SCEL: variants seen among roughly 807,000 people sequenced by gnomAD.
SCEL encodes the protein sciellin.
In SCEL, 113 loss-of-function variants were observed where a neutral mutation model predicts 117.6. The ratio of observed to expected loss-of-function variants is 0.96; its 90% CI spans 0.83 to 1.12. The LOEUF (loss-of-function observed/expected upper bound fraction) is 1.12, where lower values mean the gene tolerates loss of function less well. Among genes scored for constraint, SCEL ranks in the 50% most tolerant of loss-of-function variants. SCEL has a pLI of 0.00. For synonymous variants in SCEL, 270 were observed against 256.2 expected, an observed-to-expected ratio of 1.05 and a Z score of -0.51; for missense variants, 785 against 810.8, an observed-to-expected ratio of 0.97 and a Z score of 0.39.
chr13:77,585,177 TG>T (rs2086491821), intron 9 of SCEL, among the ~76,000 whole-genome samples: 1 of 152,258 alleles, frequency 6.6e-6, no homozygotes, highest in Admixed American at 6.5e-5. Flanking sequence ...GGGATATAGC[TG>T]TCCTTTTAGG....
intron 9 of SCEL, among the ~76,000 whole-genome samples, chr13:77,572,586 G>A (rs2085702314): frequency 6.6e-6 from 1 of 152,074 alleles, no homozygotes; most frequent in African/African-American, 2.4e-5. Context: ...GGACTGTTAG[G>A]GCTCCCCTAA....
intron 15 of SCEL, 124 bp downstream of exon 15, chr13:77,599,872 C>T: frequency 1.4e-6 from 1 of 706,628 alleles, no homozygotes; most frequent in Non-Finnish European, 2.5e-6. Flanking sequence ...GACTGGGGTC[C>T]AGGGATAGTG....
intron 2 of SCEL, 48 bp from the exon 3 acceptor site, chr13:77,556,548 C>A: frequency 6.6e-7 from 1 of 1,511,298 alleles, no homozygotes; most frequent in South Asian, 1.1e-5. Context: ...AGCCCACGCT[C>A]AACTCCACAC....
At chr13:77,567,858 AG>A in intron 6 of SCEL, 110 bp downstream of exon 6, 1 of 695,744 alleles carries the variant, frequency 1.4e-6, no homozygotes, top group Non-Finnish European at 2.4e-6. Flanking sequence ...GTAAATTCTT[AG>A]TCTCTATCAT....
At chr13:77,578,386 T>G (rs376340966) in intron 9 of SCEL, among the ~76,000 whole-genome samples, 2 of 151,208 alleles carry the variant, frequency 1.3e-5, no homozygotes, top group East Asian at 3.9e-4. Context: ...AGGGCTTTCA[T>G]GTCTAGTTGG....
At chr13:77,621,153 A>G (rs2876717) in intron 27 of SCEL, among the ~76,000 whole-genome samples, 33,069 of 151,920 alleles carry the variant, frequency 0.22, 4,578 homozygotes, top group African/African-American at 0.39. Context: ...CCTTCAATCC[A>G]TTCGCCACCC....
chr13:77,548,909 G>C (rs897118256), intron 1 of SCEL, among the ~76,000 whole-genome samples: 2 of 151,964 alleles, frequency 1.3e-5, no homozygotes, highest in East Asian at 1.9e-4. Flanking sequence ...TTATGAGCAG[G>C]GTGTATAGTT....
At chr13:77,624,100 CTT>C (rs566206052) in intron 27 of SCEL, among the ~76,000 whole-genome samples, 3,488 of 120,126 alleles carry the variant, frequency 0.029, 92 homozygotes, top group African/African-American at 0.1. Flanking sequence ...CTTGTCTTCA[CTT>C]TTTTTTTTTT....
At chr13:77,614,952 AC>A (rs1009147819) in intron 24 of SCEL, among the ~76,000 whole-genome samples, 2 of 152,144 alleles carry the variant, frequency 1.3e-5, no homozygotes, top group Non-Finnish European at 2.9e-5. Flanking sequence ...AATCTTATTA[AC>A]AGCAGGCAAT....
At chr13:77,573,146 A>G (rs1385367868) in intron 9 of SCEL, among the ~76,000 whole-genome samples, 1 of 152,258 alleles carries the variant, frequency 6.6e-6, no homozygotes, top group African/African-American at 2.4e-5. Flanking sequence ...GCAACAATTC[A>G]ATGTAATAAA....
At chr13:77,600,508 A>T (rs139845208) in intron 15 of SCEL, among the ~76,000 whole-genome samples, 2 of 152,290 alleles carry the variant, frequency 1.3e-5, no homozygotes, top group East Asian at 3.9e-4. Flanking sequence ...ATATCTCTTC[A>T]TACGTATTTG....
At chr13:77,620,049 A>G (rs918039563) in intron 27 of SCEL, among the ~76,000 whole-genome samples, 4 of 152,206 alleles carry the variant, frequency 2.6e-5, no homozygotes, top group Non-Finnish European at 5.9e-5. Context: ...CCGTATACAG[A>G]TATGATTACT....
chr13:77,596,512 T>A (rs2087240012), intron 12 of SCEL, among the ~76,000 whole-genome samples: 2 of 152,154 alleles, frequency 1.3e-5, no homozygotes, highest in Non-Finnish European at 1.5e-5. Flanking sequence ...GTATTCTCAT[T>A]TTACAAATGG....
chr13:77,597,346 C>G (rs1207607248), intron 12 of SCEL, among the ~76,000 whole-genome samples, 199 bp from the exon 13 acceptor site: 2 of 151,910 alleles, frequency 1.3e-5, no homozygotes, highest in African/African-American at 2.4e-5. Context: ...ATGTAGAGGA[C>G]TCTATTCAGT....
chr13:77,610,577 C>G (rs1020548990), intron 22 of SCEL, among the ~76,000 whole-genome samples: 3 of 152,216 alleles, frequency 2.0e-5, no homozygotes, highest in South Asian at 4.1e-4. Context: ...TCTCTGGCCA[C>G]AGGAGAGAGA....
At chr13:77,613,078 T>A in intron 23 of SCEL, 137 bp downstream of exon 23, 1 of 569,810 alleles carries the variant, frequency 1.8e-6, no homozygotes, top group East Asian at 3.4e-5. Flanking sequence ...GTAATAATGC[T>A]GGATAGATTT....
At chr13:77,589,521 C>A (rs1050257671) in intron 10 of SCEL, among the ~76,000 whole-genome samples, 1 of 152,032 alleles carries the variant, frequency 6.6e-6, no homozygotes, top group Admixed American at 6.6e-5. Flanking sequence ...TCCTAATATA[C>A]AAATATAAAT....
Position 77,642,765 on chromosome 13 carries a change from T to C in SCEL, c.2007T>C (p.Tyr669=), listed in dbSNP as rs2090618611. 1 of 1,607,752 alleles carries C rather than the reference T, an allele frequency of 6.2e-7. No homozygotes were observed. The change falls in exon 32 of 33, where the codon TAT becomes TAC. Residue 669 remains tyrosine (Y), a synonymous_variant. Coordinates refer to ENST00000349847, the MANE Select transcript of SCEL (RefSeq NM_144777.3). ...NLQAGDSIWI[Y]RQTIHCEPCY... ...AAGCGGGTGATAGTATTTGGATTTA[T>C]AGACAGACAATACACTGTGAACCTT...
chr13:77,585,090 C>T (rs181563971), intron 9 of SCEL, among the ~76,000 whole-genome samples: 7 of 152,210 alleles, frequency 4.6e-5, no homozygotes, highest in Admixed American at 4.6e-4. Flanking sequence ...GTCTTTGGTA[C>T]CCATTTCCTC....
Sources: allele counts gnomAD v4.1 joint callset (sites outside exome capture counted in the v4.1 genomes callset), GRCh38; gene constraint gnomAD v4.1.1; transcripts MANE v1.5; gene names NCBI Gene and HGNC (gene_info 2026-07-23, HGNC 2026-07-21).